PLCG2: variants seen among roughly 807,000 people sequenced by gnomAD.
PLCG2 encodes the protein phospholipase C gamma 2, also known as 1-phosphatidylinositol 4,5-bisphosphate phosphodiesterase gamma-2.
A neutral mutation model predicts 175.6 loss-of-function variants in PLCG2; 69 were observed. That is an observed-to-expected ratio of 0.39 (90% confidence interval 0.32 to 0.48). The LOEUF is 0.48. PLCG2 is among the 20% of genes least tolerant of loss of function. The pLI, the probability that PLCG2 is intolerant of heterozygous loss-of-function variation, is 0.91. For missense variants in PLCG2, 1,798 were observed against 1,650.9 expected (o/e 1.09, Z -1.54); for synonymous variants, 827 against 624.0 (o/e 1.33, Z -4.85).
chr16:81,853,762 G>C (rs994016135), intron 2 of PLCG2, among the ~76,000 whole-genome samples: 1 of 152,062 alleles, frequency 6.6e-6, no homozygotes, highest in Admixed American at 6.5e-5. Context: ...AGGGCAGCTG[G>C]CTATATAAGG....
intron 2 of PLCG2, among the ~76,000 whole-genome samples, chr16:81,802,981 C>T (rs1361463783): frequency 6.6e-6 from 1 of 152,082 alleles, no homozygotes; most frequent in African/African-American, 2.4e-5. Context: ...CATAATTTCC[C>T]CCAAATCCTA....
chr16:81,788,481 T>G (rs1363049848), intron 2 of PLCG2, among the ~76,000 whole-genome samples: 1 of 152,108 alleles, frequency 6.6e-6, no homozygotes, highest in Non-Finnish European at 1.5e-5. Flanking sequence ...GGGGTCTCAC[T>G]GTGTTAGGCA....
intron 26 of PLCG2, chr16:81,935,690 C>T (rs1910677543): frequency 1.0e-6 from 1 of 985,180 alleles, no homozygotes; most frequent in African/African-American, 1.7e-5. Context: ...TGAGGCCTGT[C>T]CCCTTCCCTC....
intron 5 of PLCG2, among the ~76,000 whole-genome samples, chr16:81,862,068 G>C (rs1826143636): frequency 6.6e-6 from 1 of 152,206 alleles, no homozygotes; most frequent in Admixed American, 6.5e-5. Flanking sequence ...AGGGAGCTTT[G>C]CAAAAGAAAC....
intron 2 of PLCG2, among the ~76,000 whole-genome samples, chr16:81,819,078 C>G (rs939561357): frequency 2.0e-5 from 3 of 151,876 alleles, no homozygotes; most frequent in African/African-American, 7.3e-5. Flanking sequence ...GTGACTTGCT[C>G]AAGTCTACAC....
chr16:81,810,093 G>A (rs1285941691), intron 2 of PLCG2, among the ~76,000 whole-genome samples: 3 of 152,050 alleles, frequency 2.0e-5, no homozygotes, highest in Non-Finnish European at 4.4e-5. Context: ...CTGGGTTCAA[G>A]TGATTCTCCT....
Position 81,946,654 on chromosome 16 carries a change from G to C in PLCG2, c.3570+391G>C, listed in dbSNP as rs558643054. Among the ~76,000 whole-genome samples, 14 of 152,254 alleles carry C rather than the reference G, an allele frequency of 9.2e-5. No homozygotes were observed. The South Asian group carries it at 2.9e-3, about 32-fold the overall frequency. On this transcript the variant is annotated intron_variant, in intron 31 of 32. Coordinates refer to ENST00000564138, the MANE Select transcript of PLCG2 (RefSeq NM_002661.5). The stretch of plus-strand genomic sequence containing the variant: ...AAAAAGTCTGATAGCCTCCAATCAA[G>C]TAGAATGACCATAAATTAATCACCC...
chr16:81,878,694 G>C (rs1418999157), intron 7 of PLCG2, among the ~76,000 whole-genome samples: 1 of 152,122 alleles, frequency 6.6e-6, no homozygotes, highest in African/African-American at 2.4e-5. Context: ...TGCGAATCCA[G>C]AAGTCTGCCC....
chr16:81,771,762 G>T (rs1299016551), intron 2 of PLCG2, among the ~76,000 whole-genome samples: 1 of 150,586 alleles, frequency 6.6e-6, no homozygotes, highest in African/African-American at 2.4e-5. Flanking sequence ...TGGAAATAAG[G>T]TTTGTTTTTG....
intron 2 of PLCG2, among the ~76,000 whole-genome samples, chr16:81,761,507 G>A (rs185669384): frequency 1.0e-3 from 154 of 152,328 alleles, no homozygotes; most frequent in African/African-American, 3.5e-3. Flanking sequence ...CCTGGGAGCT[G>A]ACTGCCTAGG....
In PLCG2 at chr16:81,753,607, A is replaced by T. The variant is rs569390671; in HGVS notation, c.-144-2263A>T. ...CTAATTTTTGTATTTTCAGTAGAGA[A>T]GGGTTTCACCATGTTGGCCAGGCTG... On this transcript the variant is annotated intron_variant, in intron 1 of 5. Transcript: ENST00000565054. Among the ~76,000 whole-genome samples the T allele has an allele frequency of 2.0e-5, 3 of 152,122 alleles. No homozygotes were observed. The East Asian group carries it at 5.8e-4, about 29-fold the overall frequency.
At chr16:81,803,543 T>C (rs1289687920) in intron 2 of PLCG2, among the ~76,000 whole-genome samples, 5 of 135,128 alleles carry the variant, frequency 3.7e-5, no homozygotes, top group African/African-American at 5.5e-5. Context: ...TTCTTTTCTT[T>C]CTTTCCTTTC....
chr16:81,956,586 A>G, intron 31 of PLCG2, 109 bp from the exon 32 acceptor site: 1 of 923,216 alleles, frequency 1.1e-6, no homozygotes, highest in Non-Finnish European at 1.6e-6. Flanking sequence ...CCAAGTTGCA[A>G]AACTTCTGCC....
intron 7 of PLCG2, among the ~76,000 whole-genome samples, chr16:81,873,449 A>G (rs1240229876): frequency 6.6e-6 from 1 of 152,240 alleles, no homozygotes; most frequent in East Asian, 1.9e-4. Context: ...AATAATGATG[A>G]CAGTGTGCGT....
At chr16:81,833,617 C>T (rs544672815) in intron 2 of PLCG2, among the ~76,000 whole-genome samples, 1 of 151,454 alleles carries the variant, frequency 6.6e-6, no homozygotes, top group African/African-American at 2.4e-5. Context: ...GTACCTTCCA[C>T]CTCCTAGGAT....
Position 81,829,477 on chromosome 16 carries a change from C to T in PLCG2, c.194-24967C>T, listed in dbSNP as rs79434273. 6.2e-3 allele frequency among the ~76,000 whole-genome samples: 945 copies of T among 152,316 alleles called. 8 individuals carry two copies. The highest frequency in any genetic ancestry group is 0.024 in the Middle Eastern group (7 of 294). On this transcript the variant is annotated intron_variant, in intron 2 of 32. Coordinates refer to ENST00000564138, the MANE Select transcript of PLCG2 (RefSeq NM_002661.5). The stretch of plus-strand genomic sequence containing the variant: ...AGGTGATCCACCCTCCTTGGCCTCC[C>T]GAAGTGTTGGGATTACAGGTGTGAG...
chr16:81,786,273 T>C, intron 2 of PLCG2, 91 bp downstream of exon 2: 1 of 1,043,290 alleles, frequency 9.6e-7, no homozygotes, highest in South Asian at 1.6e-5. Flanking sequence ...ATTACTGTGA[T>C]TGTTGTTGGT....
In PLCG2 at chr16:81,816,651, A is replaced by ACTTTTTTTTTTTTTTTTTTTTTTTT. The variant is rs1555509092; in HGVS notation, c.193+30469_193+30470insCTTTTTTTTTTTTTTTTTTTTTTTT. Among the ~76,000 whole-genome samples, 6 of 108,858 alleles carry ACTTTTTTTTTTTTTTTTTTTTTTTT rather than the reference A, an allele frequency of 5.5e-5. 3 individuals carry two copies. The highest frequency in any genetic ancestry group is 7.6e-5 in the African/African-American group (2 of 26,478). 71.4% of individuals were successfully genotyped at this position (108,858 alleles called of 152,430 possible). ...GCACCACCATGCCCAGCTAATTTTA[A>ACTTTTTTTTTTTTTTTTTTTTTTTT]TTTTTTTTTTTTTTTTTTTTTTTTT... On this transcript the variant is annotated intron_variant, in intron 2 of 32. Transcript: ENST00000564138.
At chr16:81,877,809 CTCCT>C (rs1259814156) in intron 7 of PLCG2, among the ~76,000 whole-genome samples, 2 of 150,436 alleles carry the variant, frequency 1.3e-5, no homozygotes, top group Non-Finnish European at 2.9e-5. Flanking sequence ...CATTGCATCG[CTCCT>C]TGGCTTGTAG....
Sources: gnomAD v4.1 joint callset for allele counts (sites outside exome capture counted in the v4.1 genomes callset) on GRCh38, gnomAD v4.1.1 for gene constraint, MANE v1.5 for transcripts, NCBI Gene and HGNC (gene_info 2026-07-23, HGNC 2026-07-21) for gene names.